RBFOX3: variants seen among roughly 807,000 people sequenced by gnomAD.
The protein encoded by RBFOX3 is RNA binding fox-1 homolog 3.
In RBFOX3, 17 loss-of-function variants were observed where a neutral mutation model predicts 48.7. That is an observed-to-expected ratio of 0.35 (90% confidence interval 0.24 to 0.52). RBFOX3 has a LOEUF of 0.52. Among genes scored for constraint, RBFOX3 ranks in the 20% least tolerant of loss-of-function variants. The pLI, the probability that RBFOX3 is intolerant of heterozygous loss-of-function variation, is 0.94. For synonymous variants in RBFOX3, 212 were observed against 209.5 expected, an observed-to-expected ratio of 1.01 and a Z score of -0.10; for missense variants, 382 against 497.5, an observed-to-expected ratio of 0.77 and a Z score of 2.21.
intron 4 of RBFOX3, among the ~76,000 whole-genome samples, chr17:79,209,858 G>A (rs187424546): frequency 2.0e-5 from 3 of 152,222 alleles, no homozygotes; most frequent in Non-Finnish European, 2.9e-5. Flanking sequence ...TTAGCCGGGC[G>A]TGGTGGTGGC....
intron 2 of RBFOX3, among the ~76,000 whole-genome samples, chr17:79,474,006 C>T (rs1469859509): frequency 6.6e-6 from 1 of 152,094 alleles, no homozygotes; most frequent in East Asian, 1.9e-4. Context: ...TATATCCTTG[C>T]AAATCGGGTA....
chr17:79,662,818 A>G, the RBFOX3 span, among the ~76,000 whole-genome samples: 1 of 152,178 alleles, frequency 6.6e-6, no homozygotes, highest in Non-Finnish European at 1.5e-5. Flanking sequence ...TGGGGAAGGC[A>G]TCTGTGGAGT....
At chr17:79,529,230 G>T (rs1379888358) in intron 1 of RBFOX3, among the ~76,000 whole-genome samples, 2 of 152,190 alleles carry the variant, frequency 1.3e-5, no homozygotes, top group Non-Finnish European at 1.5e-5. Flanking sequence ...GGGGATGGGG[G>T]TGCATTTTCT....
rs189695819 is a variant in RBFOX3, at chr17:79,138,161, C to T, written c.-33-22413G>A. ...AGAGGGGCGTGTGTCACCGAGCCTG[C>T]GAGGCACACTCCCACCGCAGGAGCA... On this transcript the variant is annotated intron_variant, in intron 4 of 14. Transcript: ENST00000693108. Among the ~76,000 whole-genome samples, 29 of 152,086 alleles carry T rather than the reference C, an allele frequency of 1.9e-4. 1 individual carries two copies. Among genetic ancestry groups the T allele is most frequent in the African/African-American group, 6.5e-4 (27 of 41,450 alleles).
intron 3 of RBFOX3, among the ~76,000 whole-genome samples, chr17:79,267,543 AC>A (rs1378776176): frequency 6.6e-6 from 1 of 152,192 alleles, no homozygotes; most frequent in East Asian, 1.9e-4. Context: ...GGCGCATGCC[AC>A]CATGCCCGGC....
chr17:79,351,264 G>C (rs2083891526), intron 2 of RBFOX3, among the ~76,000 whole-genome samples: 1 of 152,226 alleles, frequency 6.6e-6, no homozygotes, highest in Non-Finnish European at 1.5e-5. Flanking sequence ...TTCTCTGGGG[G>C]CATGTTCCTT....
chr17:79,406,836 G>T (rs1385504301), intron 2 of RBFOX3, among the ~76,000 whole-genome samples: 1 of 152,172 alleles, frequency 6.6e-6, no homozygotes, highest in African/African-American at 2.4e-5. Context: ...GCCAGGACCT[G>T]GGGGGACAAT....
intron 4 of RBFOX3, among the ~76,000 whole-genome samples, chr17:79,123,817 AG>A (rs759732979): frequency 2.6e-5 from 4 of 152,224 alleles, no homozygotes; most frequent in Non-Finnish European, 5.9e-5. Context: ...CTATTGATGC[AG>A]GTGGGGACGT....
At chr17:79,231,272 T>C (rs1276781121) in intron 4 of RBFOX3, among the ~76,000 whole-genome samples, 1 of 152,134 alleles carries the variant, frequency 6.6e-6, no homozygotes, top group East Asian at 1.9e-4. Context: ...GCACAAGCTT[T>C]GGAGAAAACC....
chr17:79,652,411 A>G, the RBFOX3 span, among the ~76,000 whole-genome samples: 4 of 151,164 alleles, frequency 2.6e-5, no homozygotes, highest in East Asian at 5.8e-4. Flanking sequence ...GTACCAGTGC[A>G]CTCCAGCTGG....
At chr17:79,232,469 A>G (rs1446030780) in intron 4 of RBFOX3, among the ~76,000 whole-genome samples, 4 of 152,200 alleles carry the variant, frequency 2.6e-5, no homozygotes, top group Admixed American at 2.6e-4. Flanking sequence ...TCAAACCCAG[A>G]CATAGACTCA....
At chr17:79,499,130 AC>A (rs1555776183) in intron 1 of RBFOX3, among the ~76,000 whole-genome samples, 1 of 149,114 alleles carries the variant, frequency 6.7e-6, no homozygotes, top group Non-Finnish European at 1.5e-5. Context: ...CCATCCATCC[AC>A]CCACCCATCC....
rs2057283690 is a variant in RBFOX3 at position 79,363,455 on chromosome 17, C to T, written c.-174-55631G>A. Among the ~76,000 whole-genome samples the T allele has an allele frequency of 6.6e-6, 1 of 152,090 alleles. No homozygotes were observed. The stretch of plus-strand genomic sequence containing the variant: ...CACCTCCACCCCAGACTTCCAAACT[C>T]TTCTGTCTGGCTGCCTCCTCGGCTT... On this transcript the variant is annotated intron_variant, in intron 2 of 14. Coordinates refer to ENST00000693108, the MANE Select transcript of RBFOX3 (RefSeq NM_001350451.2). This position sits in a 1 kb window ranked among gnomAD's most constrained non-coding sequence, Gnocchi z 4.7.
At chr17:79,454,519 T>C (rs1274856057) in intron 2 of RBFOX3, among the ~76,000 whole-genome samples, 2 of 151,560 alleles carry the variant, frequency 1.3e-5, no homozygotes, top group South Asian at 2.1e-4. Context: ...ACCCCCAATC[T>C]CTAGCTATTT....
upstream of RBFOX3, among the ~76,000 whole-genome samples, chr17:79,613,231 C>T (rs936159681): frequency 1.3e-5 from 2 of 152,254 alleles, no homozygotes; most frequent in Non-Finnish European, 2.9e-5. Flanking sequence ...ACTCAGGACA[C>T]GGTGGGCCTG....
chr17:79,218,481 C>T (rs2059333050), intron 4 of RBFOX3, among the ~76,000 whole-genome samples: 2 of 152,150 alleles, frequency 1.3e-5, no homozygotes, highest in African/African-American at 4.8e-5. Context: ...ACTGGCCCGG[C>T]CCCCAGGGCT....
chr17:79,217,060 C>T (rs1482947481), intron 4 of RBFOX3, among the ~76,000 whole-genome samples: 1 of 152,214 alleles, frequency 6.6e-6, no homozygotes, highest in African/African-American at 2.4e-5. Context: ...CACAGAACAG[C>T]AGTGACCTCC....
rs963730157 is a variant in RBFOX3 at position 79,204,130 on chromosome 17, G to A, written c.-34+31636C>T. ...AGATAACACTTGTCCCCCACTGAGA[G>A]CTGCCCCTACTTCCCCTACTGCCAT... On this transcript the variant is annotated intron_variant, in intron 4 of 14. Transcript: ENST00000693108. This position sits in a 1 kb window ranked among gnomAD's most constrained non-coding sequence, Gnocchi z 4.5. 1.3e-5 allele frequency among the ~76,000 whole-genome samples: 2 copies of A among 152,186 alleles called. No homozygotes were observed. Among genetic ancestry groups the A allele is most frequent in the Non-Finnish European group, 2.9e-5 (2 of 68,034 alleles).
chr17:79,559,945 G>T (rs2092094664), intron 1 of RBFOX3, among the ~76,000 whole-genome samples: 1 of 146,984 alleles, frequency 6.8e-6, no homozygotes, highest in Admixed American at 6.8e-5. Context: ...TAGGTGGATG[G>T]TCGGTGGTGA....
Sources: allele counts gnomAD v4.1 joint callset (sites outside exome capture counted in the v4.1 genomes callset), GRCh38; gene constraint gnomAD v4.1.1; non-coding constraint Gnocchi (gnomAD v3.1); transcripts MANE v1.5; gene names NCBI Gene and HGNC (gene_info 2026-07-23, HGNC 2026-07-21).